FOCAD: variants seen among roughly 807,000 people sequenced by gnomAD.
FOCAD encodes KIAA1797.
FOCAD carries 198 observed loss-of-function variants against 225.6 expected under a neutral mutation model. The observed-to-expected ratio is 0.88, with a 90% CI of 0.78 to 0.99. FOCAD has a LOEUF of 0.99. Among genes scored for constraint, FOCAD ranks in the 50% least tolerant of loss-of-function variants. The pLI is 0.00. For synonymous variants in FOCAD, 897 were observed against 755.0 expected, an observed-to-expected ratio of 1.19 and a Z score of -3.08; for missense variants, 2,713 against 2,123.6, an observed-to-expected ratio of 1.28 and a Z score of -5.46.
chr9:20,730,119 G>A (rs919066776), intron 4 of FOCAD, among the ~76,000 whole-genome samples: 1 of 152,082 alleles, frequency 6.6e-6, no homozygotes, highest in Non-Finnish European at 1.5e-5. Flanking sequence ...ACAACCCTGG[G>A]AGTTTGGGGG....
At chr9:20,974,197 A>G (rs1470327784) in intron 35 of FOCAD, among the ~76,000 whole-genome samples, 2 of 143,192 alleles carry the variant, frequency 1.4e-5, no homozygotes, top group African/African-American at 5.3e-5. Context: ...CCATTTTAGC[A>G]TCTGCTAATT....
At position 20,881,939 on chromosome 9, in the gene FOCAD, T is replaced by G. The variant is rs1233517109; in HGVS notation, c.2386T>G (p.Ser796Ala). The G allele has an allele frequency of 5.6e-6, 9 of 1,613,816 alleles. No homozygotes were observed. The highest frequency in any genetic ancestry group is 7.6e-6 in the Non-Finnish European group (9 of 1,179,896). Residue 796 changes from serine to alanine, a missense_variant, in exon 20 of 44, where the codon TCT (serine) becomes GCT (alanine). Physicochemically the swap from Ser to Ala is moderately conservative, Grantham distance 99. Coordinates refer to ENST00000338382, the MANE Select transcript of FOCAD (RefSeq NM_001375567.1). ...GAATATGCCTCGTGGGATATATCAC[T>G]CTGCATTAAAAGGAGGTGCCCGCTC... Reference protein sequence around the residue: ...MVNMPRGIYHSALKGGARSDQ... With the variant: ...MVNMPRGIYHAALKGGARSDQ...
intron 2 of FOCAD, among the ~76,000 whole-genome samples, chr9:20,666,979 A>C (rs1312158904): frequency 1.3e-5 from 2 of 152,252 alleles, no homozygotes; most frequent in Admixed American, 6.5e-5. Flanking sequence ...AAACAAAAAA[A>C]CCCACAAAAA....
chr9:20,993,178 GGTCCAAGGGAATAACT>G (rs1841810185), intron 42 of FOCAD, 59 bp from the exon 43 acceptor site: 2 of 1,236,432 alleles, frequency 1.6e-6, no homozygotes, highest in Non-Finnish European at 2.4e-6. Context: ...CATATATATA[GGTCCAAGGGAATAACT>G]GTTCTTTTGC....
chr9:20,705,944 T>G (rs943521688), intron 1 of FOCAD, among the ~76,000 whole-genome samples: 8 of 146,826 alleles, frequency 5.4e-5, no homozygotes, highest in African/African-American at 2.0e-4. Context: ...TTTTTTTTTT[T>G]TTTTTTTTTA....
intron 15 of FOCAD, among the ~76,000 whole-genome samples, chr9:20,824,479 C>A (rs749372352): frequency 6.6e-6 from 1 of 151,882 alleles, no homozygotes; most frequent in African/African-American, 2.4e-5. Flanking sequence ...TCTGCCCATC[C>A]CCTCCTGTTA....
intron 11 of FOCAD, among the ~76,000 whole-genome samples, chr9:20,802,292 A>AATAT (rs368989063): frequency 1.3e-5 from 2 of 151,330 alleles, no homozygotes; most frequent in Non-Finnish European, 2.9e-5. Context: ...CAAGCATGTA[A>AATAT]ATATATATAT....
At chr9:20,835,881 T>C (rs571069454) in intron 15 of FOCAD, among the ~76,000 whole-genome samples, 64 of 152,170 alleles carry the variant, frequency 4.2e-4, no homozygotes, top group African/African-American at 1.4e-3. Context: ...CCAAGCATTG[T>C]ATGATTGAGC....
At chr9:20,748,411 T>A (rs1378629522) in intron 5 of FOCAD, among the ~76,000 whole-genome samples, 1 of 152,038 alleles carries the variant, frequency 6.6e-6, no homozygotes, top group Non-Finnish European at 1.5e-5. Flanking sequence ...TGTAGCCTTT[T>A]TTGGGAGGGT....
chr9:20,721,113 T>TTC (rs1825735288), intron 4 of FOCAD, among the ~76,000 whole-genome samples: 1 of 152,170 alleles, frequency 6.6e-6, no homozygotes, highest in African/African-American at 2.4e-5. Flanking sequence ...TCAGAAATGG[T>TTC]CAAACAGGAC....
chr9:20,806,752 A>G (rs919162641), intron 11 of FOCAD, among the ~76,000 whole-genome samples: 5 of 152,312 alleles, frequency 3.3e-5, no homozygotes, highest in African/African-American at 7.2e-5. Context: ...TAGGTTTATT[A>G]ATATTTTGGT....
intron 1 of FOCAD, among the ~76,000 whole-genome samples, chr9:20,688,233 G>A (rs1587222615): frequency 1.3e-5 from 2 of 152,286 alleles, no homozygotes; most frequent in African/African-American, 2.4e-5. Context: ...GAATTGTAGT[G>A]GGGTAAGGCA....
At chr9:20,889,792 A>C (rs200195923) in intron 21 of FOCAD, among the ~76,000 whole-genome samples, 1 of 152,336 alleles carries the variant, frequency 6.6e-6, no homozygotes, top group East Asian at 1.9e-4. Context: ...GCTGATTTCA[A>C]TGGTAAATGC....
At chr9:20,810,379 C>G (rs1181896628) in intron 11 of FOCAD, among the ~76,000 whole-genome samples, 1 of 152,068 alleles carries the variant, frequency 6.6e-6, no homozygotes, top group Non-Finnish European at 1.5e-5. Context: ...AAACACATTA[C>G]CAATGACAGA....
At chr9:20,734,211 G>A (rs1022135068) in intron 4 of FOCAD, among the ~76,000 whole-genome samples, 2 of 152,004 alleles carry the variant, frequency 1.3e-5, no homozygotes, top group Non-Finnish European at 2.9e-5. Flanking sequence ...AGTAGGAAAT[G>A]GCAGGACTGG....
intron 10 of FOCAD, among the ~76,000 whole-genome samples, chr9:20,783,379 G>A (rs1030184564): frequency 2.6e-5 from 4 of 151,922 alleles, no homozygotes; most frequent in Non-Finnish European, 4.4e-5. Context: ...TTTTACTGTT[G>A]GCTTTTTTTT....
intron 11 of FOCAD, among the ~76,000 whole-genome samples, chr9:20,801,019 G>A (rs931409300): frequency 6.6e-6 from 1 of 152,180 alleles, no homozygotes; most frequent in South Asian, 2.1e-4. Flanking sequence ...AGTACAGATG[G>A]GGTTTTGGTG....
At chr9:20,710,605 A>C (rs576771472) in intron 1 of FOCAD, among the ~76,000 whole-genome samples, 10 of 152,166 alleles carry the variant, frequency 6.6e-5, no homozygotes, top group Non-Finnish European at 1.2e-4. Flanking sequence ...TCAAAAAAAA[A>C]AAATAATAAT....
chr9:20,864,091 T>C (rs973697606), intron 16 of FOCAD, among the ~76,000 whole-genome samples: 6 of 152,052 alleles, frequency 3.9e-5, no homozygotes, highest in Admixed American at 2.6e-4. Flanking sequence ...CATAGTCCCC[T>C]TAAAAGCAGA....
Sources: gnomAD v4.1 joint callset for allele counts (sites outside exome capture counted in the v4.1 genomes callset) on GRCh38, gnomAD v4.1.1 for gene constraint, MANE v1.5 for transcripts, NCBI Gene and HGNC (gene_info 2026-07-23, HGNC 2026-07-21) for gene names.